The following CCSER1 variants were observed in gnomAD, a reference collection of about 807,000 sequenced individuals.
CCSER1 encodes coiled-coil serine rich protein 1.
CCSER1 carries 41 observed loss-of-function variants against 82.0 expected under a neutral mutation model. That is an observed-to-expected ratio of 0.50 (90% confidence interval 0.39 to 0.65). The LOEUF is 0.65. CCSER1 is among the 30% of genes least tolerant of loss of function. CCSER1 has a pLI of 0.00. For synonymous variants in CCSER1, 414 were observed against 383.9 expected, an observed-to-expected ratio of 1.08 and a Z score of -0.92; for missense variants, 1,119 against 1,064.2, an observed-to-expected ratio of 1.05 and a Z score of -0.72.
At chr4:90,319,582 G>A (rs1736757786) in intron 3 of CCSER1, among the ~76,000 whole-genome samples, 1 of 152,090 alleles carries the variant, frequency 6.6e-6, no homozygotes. Flanking sequence ...AATGTGGGAG[G>A]CAGAGGTTGC....
chr4:91,058,532 G>A (rs1581444326), intron 9 of CCSER1, among the ~76,000 whole-genome samples: 2 of 151,702 alleles, frequency 1.3e-5, no homozygotes, highest in South Asian at 2.1e-4. Context: ...AATCATAATG[G>A]CATTTGTTTT....
At chr4:90,745,639 A>C (rs1432491864) in intron 7 of CCSER1, among the ~76,000 whole-genome samples, 2 of 143,022 alleles carry the variant, frequency 1.4e-5, no homozygotes, top group Non-Finnish European at 3.1e-5. Flanking sequence ...AGAGAAAGGA[A>C]TTTCCATTGT....
intron 10 of CCSER1, among the ~76,000 whole-genome samples, chr4:91,236,761 A>C (rs2149124644): frequency 6.6e-6 from 1 of 152,362 alleles, no homozygotes; most frequent in Middle Eastern, 3.4e-3. Context: ...AGGCAAGATA[A>C]AAACTGATAT....
intron 9 of CCSER1, among the ~76,000 whole-genome samples, chr4:90,972,375 A>G (rs1249507675): frequency 6.6e-6 from 1 of 151,808 alleles, no homozygotes; most frequent in African/African-American, 2.4e-5. Context: ...ATTTTTATAC[A>G]TTAACAATTA....
At chr4:90,318,625 T>A (rs1002607568) in intron 3 of CCSER1, among the ~76,000 whole-genome samples, 4 of 152,226 alleles carry the variant, frequency 2.6e-5, no homozygotes, top group Non-Finnish European at 5.9e-5. Context: ...TTTTGGTATG[T>A]TGAACTGCAG....
At chr4:91,478,084 G>T (rs567349281) in intron 10 of CCSER1, among the ~76,000 whole-genome samples, 2 of 151,754 alleles carry the variant, frequency 1.3e-5, no homozygotes. Context: ...CATTGCTTAC[G>T]ATCATTAAAA....
chr4:90,279,462 G>A (rs2153459581), intron 1 of CCSER1, among the ~76,000 whole-genome samples: 1 of 152,108 alleles, frequency 6.6e-6, no homozygotes, highest in East Asian at 1.9e-4. Context: ...GTAAGCAATA[G>A]CAGACTTCTA....
rs564917918 is a variant in CCSER1 at position 91,012,153 on chromosome 4, A to G, written c.2173-73797A>G. Among the ~76,000 whole-genome samples the G allele has an allele frequency of 4.4e-5, 6 of 135,046 alleles. 1 individual carries two copies. The highest frequency in any genetic ancestry group is 2.4e-4 in the East Asian group (1 of 4,172). The allele number at this position is 135,046 out of a possible 152,430, so 88.6% of individuals were successfully genotyped here. On this transcript the variant is annotated intron_variant, in intron 9 of 10. Coordinates refer to ENST00000509176, the MANE Select transcript of CCSER1 (RefSeq NM_001145065.2). ...CCACTTCAGCCCAGGCTCAGGGGCT[A>G]TGACTTCTCAGGGTAGCCAGGGTAT... is the stretch of plus-strand genomic sequence containing the variant.
At position 91,135,077 on chromosome 4, in the gene CCSER1, T is replaced by G. The variant is rs1581620806; in HGVS notation, c.2217+49083T>G. 2.0e-5 allele frequency among the ~76,000 whole-genome samples: 3 copies of G among 151,210 alleles called. No homozygotes were observed. The East Asian group carries it at 5.8e-4, about 29-fold the overall frequency. On this transcript the variant is annotated intron_variant, in intron 10 of 10. Coordinates refer to ENST00000509176, the MANE Select transcript of CCSER1 (RefSeq NM_001145065.2). ...CTGTCTCAAAGAAAAAAAAAAAAAC[T>G]ATTCTTACTTAATTTTCCCCCCACT...
At chr4:90,474,936 T>G (rs1028872027) in intron 5 of CCSER1, among the ~76,000 whole-genome samples, 1 of 152,176 alleles carries the variant, frequency 6.6e-6, no homozygotes, top group Non-Finnish European at 1.5e-5. Context: ...ATATATAATA[T>G]TGTGGAAATC....
chr4:91,568,702 A>C (rs2110276984), intron 10 of CCSER1, among the ~76,000 whole-genome samples: 1 of 152,226 alleles, frequency 6.6e-6, no homozygotes, highest in Admixed American at 6.6e-5. Flanking sequence ...CAGACCCATT[A>C]AGTCCTTTTT....
chr4:91,323,084 A>G (rs1313505549), intron 10 of CCSER1, among the ~76,000 whole-genome samples: 1 of 152,160 alleles, frequency 6.6e-6, no homozygotes, highest in African/African-American at 2.4e-5. Context: ...CCAGTAAAAG[A>G]GGAATATCCA....
chr4:91,073,595 T>C (rs554299387), intron 9 of CCSER1, among the ~76,000 whole-genome samples: 1 of 152,120 alleles, frequency 6.6e-6, no homozygotes, highest in South Asian at 2.1e-4. Context: ...AAATTGAAAC[T>C]GAATCAAAAA....
At chr4:90,864,693 A>G (rs1765523686) in intron 8 of CCSER1, among the ~76,000 whole-genome samples, 1 of 152,040 alleles carries the variant, frequency 6.6e-6, no homozygotes, top group Non-Finnish European at 1.5e-5. Flanking sequence ...AGATCTATAG[A>G]TGCAAAACAT....
intron 9 of CCSER1, among the ~76,000 whole-genome samples, chr4:91,057,329 A>G (rs1404393789): frequency 2.0e-5 from 3 of 152,152 alleles, no homozygotes; most frequent in Non-Finnish European, 4.4e-5. Flanking sequence ...CAAAATAGCT[A>G]CATCAGACAG....
chr4:91,572,654 G>A (rs985778672), intron 10 of CCSER1, among the ~76,000 whole-genome samples: 8 of 151,806 alleles, frequency 5.3e-5, no homozygotes, highest in African/African-American at 1.9e-4. Flanking sequence ...AGTGGGACTG[G>A]GGACCTGGCT....
At chr4:90,241,648 T>C (rs1746857070) in intron 1 of CCSER1, among the ~76,000 whole-genome samples, 1 of 152,134 alleles carries the variant, frequency 6.6e-6, no homozygotes, top group East Asian at 1.9e-4. Context: ...CCTTAGGGTG[T>C]TATTTTTTTT....
chr4:90,669,108 T>C (rs1166581268), intron 6 of CCSER1, among the ~76,000 whole-genome samples: 1 of 151,964 alleles, frequency 6.6e-6, no homozygotes, highest in Non-Finnish European at 1.5e-5. Context: ...GTATGGAATA[T>C]ATAATATAGT....
intron 3 of CCSER1, among the ~76,000 whole-genome samples, chr4:90,327,937 T>C (rs1012604303): frequency 6.6e-6 from 1 of 152,212 alleles, no homozygotes; most frequent in East Asian, 1.9e-4. Flanking sequence ...CTTACTCTCT[T>C]TCTTTCACAG....
Sources: allele counts gnomAD v4.1 joint callset (sites outside exome capture counted in the v4.1 genomes callset), GRCh38; gene constraint gnomAD v4.1.1; transcripts MANE v1.5; gene names NCBI Gene and HGNC (gene_info 2026-07-23, HGNC 2026-07-21).